MYO3B: variants seen among roughly 807,000 people sequenced by gnomAD.
MYO3B encodes myosin IIIB.
Under a neutral mutation model 174.6 loss-of-function variants are expected in MYO3B, and 156 were observed. The observed-to-expected ratio is 0.89, with a 90% CI of 0.78 to 1.02. MYO3B has a LOEUF of 1.02. Ranked by LOEUF, MYO3B falls within the 50% of genes least tolerant of loss-of-function variation. MYO3B has a pLI of 0.00. For missense variants in MYO3B, 1,632 were observed against 1,639.4 expected (o/e 1.00, Z 0.08); for synonymous variants, 563 against 569.1 (o/e 0.99, Z 0.15).
intron 1 of MYO3B, among the ~76,000 whole-genome samples, chr2:170,183,310 C>T (rs997232113): frequency 1.3e-5 from 2 of 152,120 alleles, no homozygotes; most frequent in African/African-American, 2.4e-5. Flanking sequence ...TTGACATCTT[C>T]ACAGTAAGGT....
intron 32 of MYO3B, among the ~76,000 whole-genome samples, chr2:170,604,580 C>T (rs1438188907): frequency 6.6e-6 from 1 of 152,086 alleles, no homozygotes; most frequent in Non-Finnish European, 1.5e-5. Context: ...CCAAATAGGT[C>T]AGCACTTCTG....
intron 16 of MYO3B, among the ~76,000 whole-genome samples, chr2:170,399,634 G>T (rs1345836232): frequency 1.3e-5 from 2 of 152,080 alleles, no homozygotes; most frequent in African/African-American, 4.8e-5. Flanking sequence ...TAGGAGCCAT[G>T]AATGAATGTC....
At position 170,601,520 on chromosome 2, in the gene MYO3B, C is replaced by T. The variant is rs1410208082; in HGVS notation, c.3734-50108C>T. ...TAAAAACAAATCTTACACAGCCTTA[C>T]ATTTTAATTTTTTTATTTAAAAGGA... On this transcript the variant is annotated intron_variant, in intron 32 of 34. Transcript: ENST00000408978. The T allele has an allele frequency of 5.8e-6, 5 of 866,794 alleles. No homozygotes were observed. In the East Asian group the frequency reaches 1.3e-4, roughly 23 times the overall value. The allele number at this position is 866,794 out of a possible 1,614,324, so 53.7% of individuals were successfully genotyped here.
intron 32 of MYO3B, among the ~76,000 whole-genome samples, chr2:170,636,426 T>TGACA (rs1697488501): frequency 6.6e-6 from 1 of 151,880 alleles, no homozygotes; most frequent in Admixed American, 6.6e-5. Flanking sequence ...AAGCCAACTT[T>TGACA]GACAGCCTCT....
intron 27 of MYO3B, among the ~76,000 whole-genome samples, chr2:170,501,163 CAG>C: frequency 6.6e-6 from 1 of 152,248 alleles, no homozygotes; most frequent in South Asian, 2.1e-4. Flanking sequence ...ACCTTTGCCC[CAG>C]AGAGTCCCTT....
intron 7 of MYO3B, among the ~76,000 whole-genome samples, chr2:170,278,872 C>T (rs11899466): frequency 0.91 from 138,043 of 152,124 alleles, 63,893 homozygotes; most frequent in Non-Finnish European, 1. Flanking sequence ...TGAGTACATG[C>T]GATATTTGTC....
intron 5 of MYO3B, among the ~76,000 whole-genome samples, chr2:170,216,401 T>C (rs1379178424): frequency 1.3e-5 from 2 of 152,214 alleles, no homozygotes; most frequent in Admixed American, 6.5e-5. Context: ...GGTGTGACTG[T>C]TGTGATTATC....
rs1558948322 is a variant in MYO3B at position 170,386,204 on chromosome 2, GGAGA to G, written c.1310_1313del (p.Glu437ValfsTer11). On this transcript the variant is annotated frameshift_variant, in exon 13 of 35. Coordinates refer to ENST00000408978, the MANE Select transcript of MYO3B (RefSeq NM_138995.5). LOFTEE classifies it high-confidence loss of function. ...TCTGTGCCAGTGCATTGTCATCAGC[GGAGA>G]GAGTGGCTCTGGGAAGACAGAAAGC... is the stretch of plus-strand genomic sequence containing the variant. 1.2e-6 allele frequency: 2 copies of G among 1,613,474 alleles called. No homozygotes were observed. Among genetic ancestry groups the G allele is most frequent in the East Asian group, 4.5e-5 (2 of 44,842 alleles).
At chr2:170,246,853 A>G (rs796676886) in intron 7 of MYO3B, among the ~76,000 whole-genome samples, 23 of 152,136 alleles carry the variant, frequency 1.5e-4, no homozygotes, top group African/African-American at 5.5e-4. Flanking sequence ...TAGGGATGGG[A>G]CAATGCGGGG....
At chr2:170,420,933 C>T (rs1161990294) in intron 22 of MYO3B, among the ~76,000 whole-genome samples, 3 of 152,026 alleles carry the variant, frequency 2.0e-5, no homozygotes, top group African/African-American at 7.3e-5. Flanking sequence ...AAACTCAGTC[C>T]TAGCATCACC....
intron 7 of MYO3B, among the ~76,000 whole-genome samples, chr2:170,303,643 A>C (rs750212581): frequency 1.3e-5 from 2 of 152,110 alleles, no homozygotes; most frequent in Non-Finnish European, 2.9e-5. Context: ...TATTAAAAAA[A>C]AACTAATAGA....
At chr2:170,649,704 G>A (rs1344792985) in intron 32 of MYO3B, among the ~76,000 whole-genome samples, 2 of 149,942 alleles carry the variant, frequency 1.3e-5, no homozygotes, top group African/African-American at 4.9e-5. Context: ...GTGCACACCT[G>A]TAATCCCAGC....
At chr2:170,595,219 T>C (rs1167685134) in intron 32 of MYO3B, among the ~76,000 whole-genome samples, 1 of 152,074 alleles carries the variant, frequency 6.6e-6, no homozygotes, top group Non-Finnish European at 1.5e-5. Flanking sequence ...TCACACCAGG[T>C]AGGGGGTGTT....
chr2:170,288,361 G>T (rs1406134968), intron 7 of MYO3B, among the ~76,000 whole-genome samples: 1 of 151,946 alleles, frequency 6.6e-6, no homozygotes. Context: ...CATGAGCAGG[G>T]AGTATCTTTC....
intron 7 of MYO3B, among the ~76,000 whole-genome samples, chr2:170,253,725 G>A (rs1227404035): frequency 4.6e-5 from 7 of 152,088 alleles, no homozygotes; most frequent in Admixed American, 2.0e-4. Flanking sequence ...GATAAGAGAA[G>A]AATAAGGGTA....
chr2:170,248,083 G>A (rs549264822), intron 7 of MYO3B, among the ~76,000 whole-genome samples: 1 of 152,224 alleles, frequency 6.6e-6, no homozygotes, highest in South Asian at 2.1e-4. Flanking sequence ...GCCACCTGTT[G>A]TTTGGACTGG....
At chr2:170,485,386 A>AACAC (rs370436580) in intron 25 of MYO3B, among the ~76,000 whole-genome samples, 1,638 of 136,756 alleles carry the variant, frequency 0.012, 12 homozygotes, top group South Asian at 0.024. Flanking sequence ...ATCCTTTCAG[A>AACAC]ACACACACAC....
chr2:170,507,001 T>C (rs1687656742), intron 28 of MYO3B, among the ~76,000 whole-genome samples: 1 of 152,220 alleles, frequency 6.6e-6, no homozygotes, highest in African/African-American at 2.4e-5. Flanking sequence ...ATTTCTTAGA[T>C]CCCTGGTCAT....
chr2:170,366,836 C>T (rs544300826), intron 8 of MYO3B, among the ~76,000 whole-genome samples: 1 of 152,260 alleles, frequency 6.6e-6, no homozygotes, highest in East Asian at 1.9e-4. Context: ...GTGAAACAAG[C>T]TATACCACCT....
Sources: allele counts gnomAD v4.1 joint callset (sites outside exome capture counted in the v4.1 genomes callset), GRCh38; gene constraint gnomAD v4.1.1; transcripts MANE v1.5; gene names NCBI Gene and HGNC (gene_info 2026-07-23, HGNC 2026-07-21).